The following ZNF521 variants were observed in gnomAD, a reference collection of about 807,000 sequenced individuals.
ZNF521 encodes zinc finger protein 521.
Under a neutral mutation model 105.5 loss-of-function variants are expected in ZNF521, and 14 were observed. That is an observed-to-expected ratio of 0.13 (90% CI 0.09 to 0.21). The LOEUF (loss-of-function observed/expected upper bound fraction) is 0.21. Among genes scored for constraint, ZNF521 ranks in the 10% least tolerant of loss-of-function variants. ZNF521 has a pLI of 1.00. For missense variants in ZNF521, 1,233 were observed against 1,629.7 expected, an observed-to-expected ratio of 0.76 and a Z score of 4.19; for synonymous variants, 635 against 606.0, an observed-to-expected ratio of 1.05 and a Z score of -0.70.
intron 5 of ZNF521, among the ~76,000 whole-genome samples, chr18:25,151,155 A>C (rs1014879237): frequency 6.6e-6 from 1 of 152,152 alleles, no homozygotes; most frequent in Non-Finnish European, 1.5e-5. Flanking sequence ...CGCCCTAAAA[A>C]TAAAACCCAA....
intron 5 of ZNF521, among the ~76,000 whole-genome samples, chr18:25,143,413 G>A (rs781485070): frequency 2.0e-5 from 3 of 152,212 alleles, no homozygotes; most frequent in South Asian, 2.1e-4. Context: ...GAAATATGAA[G>A]TGTGTAAGTA....
At chr18:25,074,065 C>CAT (rs1567949571) in intron 7 of ZNF521, among the ~76,000 whole-genome samples, 2 of 117,476 alleles carry the variant, frequency 1.7e-5, no homozygotes, top group African/African-American at 6.2e-5. Context: ...TGTGTGCGCA[C>CAT]GCGTGTGTGC....
rs145709702 is a variant in ZNF521, at chr18:25,091,437, T to C, written c.3790+513A>G. Among the ~76,000 whole-genome samples, 71 of 152,056 alleles carry C rather than the reference T, an allele frequency of 4.7e-4. No homozygotes were observed. In the East Asian group the frequency reaches 0.013, roughly 27 times the overall value. ...CTTCTACTCTAAAAATCCAATTTCA[T>C]AGGCAGTAAATGCCTCATCTAATCT... is the stretch of plus-strand genomic sequence containing the variant. On this transcript the variant is annotated intron_variant, in intron 6 of 7. Transcript: ENST00000361524.
chr18:25,173,984 C>T (rs1219345577), intron 5 of ZNF521, among the ~76,000 whole-genome samples: 2 of 152,032 alleles, frequency 1.3e-5, no homozygotes, highest in African/African-American at 4.8e-5. Flanking sequence ...TTCCGAAAGA[C>T]TGAAAATACA....
At chr18:25,129,245 G>A (rs537716284) in intron 5 of ZNF521, among the ~76,000 whole-genome samples, 2 of 86,144 alleles carry the variant, frequency 2.3e-5, no homozygotes, top group African/African-American at 3.6e-5. Flanking sequence ...ACTTTCACAC[G>A]GAATAATAAT....
intron 4 of ZNF521, among the ~76,000 whole-genome samples, chr18:25,215,264 G>T (rs1203048307): frequency 1.3e-5 from 2 of 152,142 alleles, no homozygotes; most frequent in Non-Finnish European, 2.9e-5. Context: ...GTATAAATAA[G>T]GGGAACCAGC....
At chr18:25,078,267 G>A (rs989212534) in intron 7 of ZNF521, among the ~76,000 whole-genome samples, 1 of 152,210 alleles carries the variant, frequency 6.6e-6, no homozygotes, top group Admixed American at 6.5e-5. Flanking sequence ...CTGAAAGAAG[G>A]AATTTCACCT....
intron 5 of ZNF521, among the ~76,000 whole-genome samples, chr18:25,158,820 G>C (rs1486928459): frequency 6.6e-6 from 1 of 152,078 alleles, no homozygotes; most frequent in Non-Finnish European, 1.5e-5. Context: ...AGCCGGTGTG[G>C]TGGTGTGTGC....
chr18:25,260,818 T>C (rs1908855534), intron 3 of ZNF521, among the ~76,000 whole-genome samples: 1 of 152,074 alleles, frequency 6.6e-6, no homozygotes, highest in East Asian at 1.9e-4. Context: ...CAAATGAAAA[T>C]ACTGATGCAC....
chr18:25,221,858 T>C (rs776353051), intron 4 of ZNF521, among the ~76,000 whole-genome samples: 22 of 152,172 alleles, frequency 1.4e-4, no homozygotes, highest in Non-Finnish European at 2.1e-4. Flanking sequence ...GACATATTAT[T>C]TTTAGGCTTC....
intron 5 of ZNF521, among the ~76,000 whole-genome samples, chr18:25,153,464 C>T (rs1473729256): frequency 6.6e-6 from 1 of 152,150 alleles, no homozygotes; most frequent in Non-Finnish European, 1.5e-5. Flanking sequence ...GCCTCAAGCT[C>T]GTCCCACTCT....
intron 5 of ZNF521, among the ~76,000 whole-genome samples, chr18:25,115,986 A>C (rs1041278574): frequency 6.6e-6 from 1 of 152,206 alleles, no homozygotes; most frequent in African/African-American, 2.4e-5. Context: ...AGAGATAAGC[A>C]CTTAGGGTTA....
chr18:25,346,391 T>C (rs1037315302), intron 2 of ZNF521, among the ~76,000 whole-genome samples: 5 of 152,180 alleles, frequency 3.3e-5, no homozygotes, highest in African/African-American at 9.6e-5. Flanking sequence ...TTAATGTTTC[T>C]ATTAAATTTC....
chr18:25,076,865 G>T (rs1375567297), intron 7 of ZNF521, among the ~76,000 whole-genome samples: 1 of 152,248 alleles, frequency 6.6e-6, no homozygotes, highest in Non-Finnish European at 1.5e-5. Context: ...AGAGGCCTGG[G>T]ATGGAAGGCT....
intron 5 of ZNF521, among the ~76,000 whole-genome samples, chr18:25,144,917 C>G (rs2034915183): frequency 6.6e-6 from 1 of 152,144 alleles, no homozygotes; most frequent in African/African-American, 2.4e-5. Flanking sequence ...TTATATCATA[C>G]AAAACTCAGT....
intron 2 of ZNF521, among the ~76,000 whole-genome samples, chr18:25,323,799 C>A (rs533613141): frequency 1.3e-5 from 2 of 152,220 alleles, no homozygotes; most frequent in South Asian, 4.2e-4. Context: ...CCTTTCTTGT[C>A]TGGCAGTTGT....
rs549121641 is a variant in ZNF521 at position 25,348,454 on chromosome 18, T to G, written c.40+2453A>C. On this transcript the variant is annotated intron_variant, in intron 2 of 7. Transcript: ENST00000361524. ...GGTATAGCTCATCTACATATGAATT[T>G]TTCAAGGCATACCCTGAAGAAAAAC... 1.6e-3 allele frequency among the ~76,000 whole-genome samples: 247 copies of G among 152,266 alleles called. 2 individuals are homozygous for G. Among genetic ancestry groups the G allele is most frequent in the Non-Finnish European group, 9.9e-4 (67 of 67,996 alleles).
chr18:25,330,725 C>A (rs1042784382), intron 2 of ZNF521, among the ~76,000 whole-genome samples: 1 of 152,140 alleles, frequency 6.6e-6, no homozygotes, highest in African/African-American at 2.4e-5. Flanking sequence ...GTTCATGATT[C>A]TTTTCATCAG....
At chr18:25,094,750 T>C (rs1384670735) in intron 5 of ZNF521, among the ~76,000 whole-genome samples, 1 of 152,120 alleles carries the variant, frequency 6.6e-6, no homozygotes, top group Non-Finnish European at 1.5e-5. Flanking sequence ...TAGGTGGACA[T>C]TTAGAGTCCC....
Sources: gnomAD v4.1 joint callset for allele counts (sites outside exome capture counted in the v4.1 genomes callset) on GRCh38, gnomAD v4.1.1 for gene constraint, MANE v1.5 for transcripts, NCBI Gene and HGNC (gene_info 2026-07-23, HGNC 2026-07-21) for gene names.